SPECC1: variants seen among roughly 807,000 people sequenced by gnomAD.
SPECC1 encodes the protein sperm antigen with calponin homology and coiled-coil domains 1.
Under a neutral mutation model 104.1 loss-of-function variants are expected in SPECC1, and 62 were observed. The ratio of observed to expected loss-of-function variants is 0.60; its 90% CI spans 0.49 to 0.74. The LOEUF (loss-of-function observed/expected upper bound fraction) is 0.74, where lower values mean the gene tolerates loss of function less well. Among genes scored for constraint, SPECC1 ranks in the 30% least tolerant of loss-of-function variants. The probability of loss-of-function intolerance (pLI) is 0.00; values close to 1 mark genes in which losing one functional copy is unlikely to be tolerated. For synonymous variants in SPECC1, 513 were observed against 501.6 expected (o/e 1.02, Z -0.30); for missense variants, 1,306 against 1,310.5 (o/e 1.00, Z 0.05).
intron 3 of SPECC1, chr17:20,156,098 C>G (rs1388474354): frequency 7.4e-7 from 1 of 1,352,664 alleles, no homozygotes; most frequent in Non-Finnish European, 9.5e-7. Flanking sequence ...GCGGACCCGC[C>G]GGACGCAACC....
At chr17:20,086,244 C>T (rs1339174370) in intron 1 of SPECC1, among the ~76,000 whole-genome samples, 1 of 112,542 alleles carries the variant, frequency 8.9e-6, no homozygotes, top group African/African-American at 3.0e-5. Context: ...TGGTGGAGGC[C>T]TCAGAATTTT....
intron 9 of SPECC1, among the ~76,000 whole-genome samples, chr17:20,253,138 T>C (rs962898456): frequency 6.6e-6 from 1 of 152,136 alleles, no homozygotes; most frequent in Non-Finnish European, 1.5e-5. Context: ...ATGTTGAGCA[T>C]CTTTTCATAT....
chr17:20,192,900 C>T (rs561338290), intron 3 of SPECC1, among the ~76,000 whole-genome samples: 1 of 152,248 alleles, frequency 6.6e-6, no homozygotes, highest in South Asian at 2.1e-4. Context: ...CGATCCAGAC[C>T]TTAAGAGAGG....
At chr17:20,040,732 A>G (rs2045290438) in intron 1 of SPECC1, among the ~76,000 whole-genome samples, 2 of 152,290 alleles carry the variant, frequency 1.3e-5, no homozygotes, top group Admixed American at 1.3e-4. Context: ...TGTTTCACTC[A>G]CTGCTTTCAA....
chr17:20,068,842 G>T (rs1362747370), intron 1 of SPECC1, among the ~76,000 whole-genome samples: 1 of 151,894 alleles, frequency 6.6e-6, no homozygotes, highest in Non-Finnish European at 1.5e-5. Flanking sequence ...TTTTCAGTTG[G>T]GTTATTTGTC....
chr17:20,149,951 GTGTATATT>G (rs1476304405), intron 3 of SPECC1, among the ~76,000 whole-genome samples: 1 of 152,048 alleles, frequency 6.6e-6, no homozygotes, highest in African/African-American at 2.4e-5. Context: ...CTAGATGTTT[GTGTATATT>G]TGTAACTATT....
At chr17:20,212,922 G>A (rs1362001539) in intron 4 of SPECC1, among the ~76,000 whole-genome samples, 1 of 152,144 alleles carries the variant, frequency 6.6e-6, no homozygotes, top group Non-Finnish European at 1.5e-5. Context: ...GTGCTAAGCA[G>A]TCTCAGAGCT....
intron 7 of SPECC1, among the ~76,000 whole-genome samples, chr17:20,233,570 C>T (rs1049944237): frequency 1.4e-4 from 22 of 152,174 alleles, no homozygotes; most frequent in Non-Finnish European, 2.9e-5. Context: ...ATGGGGGTCT[C>T]ACTATGTTGC....
intron 3 of SPECC1, among the ~76,000 whole-genome samples, chr17:20,122,935 C>G (rs2049108937): frequency 6.6e-6 from 1 of 152,210 alleles, no homozygotes; most frequent in Admixed American, 6.5e-5. Flanking sequence ...TAATGCTGCT[C>G]TGTACACAGG....
intron 1 of SPECC1, among the ~76,000 whole-genome samples, chr17:20,032,255 T>G (rs939940110): frequency 2.0e-4 from 31 of 152,188 alleles, no homozygotes; most frequent in Admixed American, 6.5e-5. Flanking sequence ...TGGTTCTTTT[T>G]GTATTTATCC....
chr17:20,220,185 T>A (rs961148280), intron 4 of SPECC1, among the ~76,000 whole-genome samples: 1 of 152,088 alleles, frequency 6.6e-6, no homozygotes, highest in Non-Finnish European at 1.5e-5. Flanking sequence ...ATATGACTTT[T>A]AGGATTTAAA....
intron 7 of SPECC1, among the ~76,000 whole-genome samples, chr17:20,241,646 G>A (rs1240899905): frequency 6.6e-6 from 1 of 152,022 alleles, no homozygotes; most frequent in Non-Finnish European, 1.5e-5. Flanking sequence ...TTATTGTTGG[G>A]ATTTGTAGAT....
intron 3 of SPECC1, among the ~76,000 whole-genome samples, chr17:20,154,685 A>ACT (rs1188110752): frequency 6.6e-6 from 1 of 152,104 alleles, no homozygotes; most frequent in Non-Finnish European, 1.5e-5. Flanking sequence ...TAGAAGCATC[A>ACT]CTCTCACTGT....
At chr17:20,056,941 T>C (rs529270901) in intron 1 of SPECC1, among the ~76,000 whole-genome samples, 344 of 152,330 alleles carry the variant, frequency 2.3e-3, no homozygotes, top group Non-Finnish European at 4.0e-3. Context: ...TTCCATTTCT[T>C]TCCTTATTCT....
At chr17:20,028,684 G>C (rs12947991) in intron 1 of SPECC1, among the ~76,000 whole-genome samples, 39,247 of 151,466 alleles carry the variant, frequency 0.26, 6,398 homozygotes, top group East Asian at 0.43. Flanking sequence ...AGTTTGTTTT[G>C]GCTATTCTCA....
intron 1 of SPECC1, among the ~76,000 whole-genome samples, chr17:20,013,391 A>G (rs1245460923): frequency 6.6e-6 from 1 of 152,184 alleles, no homozygotes; most frequent in Non-Finnish European, 1.5e-5. Flanking sequence ...TTTTGATAGT[A>G]GCTATCCTTA....
intron 1 of SPECC1, among the ~76,000 whole-genome samples, chr17:20,033,662 G>A (rs1305414649): frequency 1.3e-5 from 2 of 152,078 alleles, no homozygotes; most frequent in Non-Finnish European, 2.9e-5. Flanking sequence ...GTTGTTGTGG[G>A]AACTAAGAGT....
At chr17:20,155,840 C>T in intron 3 of SPECC1, 3 of 889,472 alleles carry the variant, frequency 3.4e-6, no homozygotes, top group Non-Finnish European at 4.2e-6. Flanking sequence ...GCCCACGGCG[C>T]GGGGCCTTCT....
chr17:20,189,715 A>T (rs1018881362), intron 3 of SPECC1, among the ~76,000 whole-genome samples: 1 of 152,134 alleles, frequency 6.6e-6, no homozygotes, highest in Non-Finnish European at 1.5e-5. Context: ...TGCTGTTCAT[A>T]GTGGCCGTGG....
Sources: gnomAD v4.1 joint callset for allele counts (sites outside exome capture counted in the v4.1 genomes callset) on GRCh38, gnomAD v4.1.1 for gene constraint, MANE v1.5 for transcripts, NCBI Gene and HGNC (gene_info 2026-07-23, HGNC 2026-07-21) for gene names.